Variants in BCL2L1 observed in about 807,000 individuals in gnomAD.
The protein encoded by BCL2L1 is bcl-2-like protein 1.
Under a neutral mutation model 18.7 loss-of-function variants are expected in BCL2L1, and 1 was observed. The ratio of observed to expected loss-of-function variants is 0.05; its 90% CI spans 0.02 to 0.25. BCL2L1 has a LOEUF of 0.25. Among genes scored for constraint, BCL2L1 ranks in the 10% least tolerant of loss-of-function variants. BCL2L1 has a pLI of 1.00. For missense variants in BCL2L1, 207 were observed against 304.9 expected (o/e 0.68, Z 2.39); for synonymous variants, 103 against 122.7 (o/e 0.84, Z 1.06).
chr20:31,679,229 G>A (rs918091413), intron 2 of BCL2L1, among the ~76,000 whole-genome samples: 1 of 152,170 alleles, frequency 6.6e-6, no homozygotes, highest in Non-Finnish European at 1.5e-5. Flanking sequence ...GGCACCCAGA[G>A]GTGTGCTGTT....
intron 2 of BCL2L1, among the ~76,000 whole-genome samples, chr20:31,673,199 G>A (rs939204050): frequency 6.7e-6 from 1 of 149,978 alleles, no homozygotes; most frequent in South Asian, 2.1e-4. Context: ...AGTCTCCCAA[G>A]TTGCCTGGGA....
At chr20:31,686,320 T>A (rs2060954327) in intron 2 of BCL2L1, 1 of 152,172 alleles carries the variant, frequency 6.6e-6, no homozygotes, top group South Asian at 2.1e-4. Context: ...CCAGTAGAGA[T>A]GTGGATGCAG....
At chr20:31,674,707 T>C (rs958575142) in intron 2 of BCL2L1, among the ~76,000 whole-genome samples, 2 of 152,040 alleles carry the variant, frequency 1.3e-5, no homozygotes, top group East Asian at 1.9e-4. Context: ...CCCATCTCTA[T>C]AAGAAAAATC....
chr20:31,701,703 A>G (rs2061280309), intron 2 of BCL2L1, among the ~76,000 whole-genome samples: 1 of 152,254 alleles, frequency 6.6e-6, no homozygotes, highest in Admixed American at 6.5e-5. Context: ...ATAAGTGGCA[A>G]AAATAATGCA....
chr20:31,694,489 T>C (rs1053389414), intron 2 of BCL2L1, among the ~76,000 whole-genome samples: 29 of 152,158 alleles, frequency 1.9e-4, no homozygotes, highest in African/African-American at 7.0e-4. Context: ...GCTGGACAGA[T>C]GGTGTCTGAG....
intron 2 of BCL2L1, among the ~76,000 whole-genome samples, chr20:31,707,615 C>G (rs1034995987): frequency 6.6e-6 from 1 of 151,764 alleles, no homozygotes; most frequent in African/African-American, 2.4e-5. Context: ...CCCGTCTCTA[C>G]TAAAAAAACA....
chr20:31,668,012 G>A (rs1486629688), intron 2 of BCL2L1, among the ~76,000 whole-genome samples: 27 of 152,100 alleles, frequency 1.8e-4, no homozygotes, highest in Admixed American at 1.8e-3. Flanking sequence ...ACTCTGGCCA[G>A]CAAGGTCTAG....
chr20:31,674,153 C>T (rs1186019468), intron 2 of BCL2L1, among the ~76,000 whole-genome samples: 2 of 152,204 alleles, frequency 1.3e-5, no homozygotes, highest in African/African-American at 4.8e-5. Context: ...TCCAATCTTG[C>T]CATCTTAGAC....
chr20:31,669,720 G>T (rs997125362), intron 2 of BCL2L1, among the ~76,000 whole-genome samples: 3 of 152,062 alleles, frequency 2.0e-5, no homozygotes, highest in Non-Finnish European at 4.4e-5. Flanking sequence ...TTATAGGCGT[G>T]AGCCACTGCC....
At chr20:31,681,537 A>T (rs915304532) in intron 2 of BCL2L1, among the ~76,000 whole-genome samples, 2 of 152,114 alleles carry the variant, frequency 1.3e-5, no homozygotes, top group African/African-American at 4.8e-5. Flanking sequence ...GCTATTCCGG[A>T]GGCTGAGGTG....
intron 2 of BCL2L1, among the ~76,000 whole-genome samples, chr20:31,709,269 T>C (rs1034926889): frequency 6.6e-6 from 1 of 152,042 alleles, no homozygotes; most frequent in Non-Finnish European, 1.5e-5. Flanking sequence ...TCATACATAC[T>C]CCACCCTCCA....
chr20:31,716,617 T>A (rs2061541926), intron 2 of BCL2L1: 1 of 152,180 alleles, frequency 6.6e-6, no homozygotes, highest in African/African-American at 2.4e-5. Flanking sequence ...TTCTCTTCAA[T>A]TAGGTATCTG....
chr20:31,699,592 G>A (rs1171037452), intron 2 of BCL2L1, among the ~76,000 whole-genome samples: 1 of 152,228 alleles, frequency 6.6e-6, no homozygotes, highest in African/African-American at 2.4e-5. Flanking sequence ...CTTTTGCTAA[G>A]CAGCTTTCTG....
At chr20:31,676,093 C>CT (rs2060754370) in intron 2 of BCL2L1, among the ~76,000 whole-genome samples, 1 of 152,178 alleles carries the variant, frequency 6.6e-6, no homozygotes, top group South Asian at 2.1e-4. Context: ...CTCCATCTCT[C>CT]TGGCTCAGAA....
chr20:31,705,791 A>G (rs2061361299), intron 2 of BCL2L1, among the ~76,000 whole-genome samples: 1 of 152,182 alleles, frequency 6.6e-6, no homozygotes, highest in African/African-American at 2.4e-5. Flanking sequence ...TCAGACCCAG[A>G]AAGTTCCCCC....
At chr20:31,702,343 C>G (rs1465221639) in intron 2 of BCL2L1, among the ~76,000 whole-genome samples, 1 of 152,030 alleles carries the variant, frequency 6.6e-6, no homozygotes, top group African/African-American at 2.4e-5. Flanking sequence ...GGTAAGAAGT[C>G]TGGGTTTTGC....
chr20:31,686,695 T>A (rs1600811868), intron 2 of BCL2L1, among the ~76,000 whole-genome samples: 1 of 152,202 alleles, frequency 6.6e-6, no homozygotes, highest in South Asian at 2.1e-4. Flanking sequence ...CACAGTGTTC[T>A]CCCTGAAAGG....
At chr20:31,687,534 G>A (rs1314743129) in intron 2 of BCL2L1, among the ~76,000 whole-genome samples, 5 of 151,922 alleles carry the variant, frequency 3.3e-5, no homozygotes, top group Non-Finnish European at 5.9e-5. Context: ...AAAAATAGCC[G>A]GGTGTGGTGG....
At chr20:31,679,562 G>A (rs1336700604) in intron 2 of BCL2L1, among the ~76,000 whole-genome samples, 1 of 152,214 alleles carries the variant, frequency 6.6e-6, no homozygotes, top group African/African-American at 2.4e-5. Flanking sequence ...GCTGCAAAAT[G>A]AAAACAGCTG....
Sources: allele counts gnomAD v4.1 joint callset (sites outside exome capture counted in the v4.1 genomes callset), GRCh38; gene constraint gnomAD v4.1.1; transcripts MANE v1.5; gene names NCBI Gene and HGNC (gene_info 2026-07-23, HGNC 2026-07-21).